The following GATB variants were observed in gnomAD, a reference collection of about 807,000 sequenced individuals.
GATB encodes glutamyl-tRNA amidotransferase subunit B.
GATB carries 39 observed loss-of-function variants against 62.3 expected under a neutral mutation model. That is an observed-to-expected ratio of 0.63 (90% CI 0.48 to 0.82). GATB has a LOEUF of 0.82. Ranked by LOEUF, GATB falls within the 40% of genes least tolerant of loss-of-function variation. The pLI, the probability that GATB is intolerant of heterozygous loss-of-function variation, is 0.00. For synonymous variants in GATB, 276 were observed against 258.9 expected, an observed-to-expected ratio of 1.07 and a Z score of -0.63; for missense variants, 670 against 684.0, an observed-to-expected ratio of 0.98 and a Z score of 0.23.
chr4:151,707,653 C>T (rs1738739660), intron 6 of GATB, among the ~76,000 whole-genome samples: 1 of 152,180 alleles, frequency 6.6e-6, no homozygotes, highest in South Asian at 2.1e-4. Context: ...CAGCTTAGGA[C>T]TCACTTCTGC....
At chr4:151,688,602 G>C (rs1225825462) in intron 10 of GATB, 28 bp downstream of exon 10, 1 of 1,587,494 alleles carries the variant, frequency 6.3e-7, no homozygotes, top group Admixed American at 1.9e-5. Context: ...CATCACAAAG[G>C]AAGAAAGAAA....
chr4:151,679,164 G>C (rs1445766586), intron 11 of GATB, among the ~76,000 whole-genome samples: 1 of 152,196 alleles, frequency 6.6e-6, no homozygotes. Flanking sequence ...AAAGTGCTGG[G>C]ATTACAGGCG....
intron 9 of GATB, among the ~76,000 whole-genome samples, chr4:151,692,605 C>T (rs1477864754): frequency 6.6e-6 from 1 of 152,172 alleles, no homozygotes; most frequent in Non-Finnish European, 1.5e-5. Flanking sequence ...CAGCTGCACG[C>T]CCACTGCACA....
At chr4:151,727,945 T>C (rs537829652) in intron 2 of GATB, among the ~76,000 whole-genome samples, 2 of 152,342 alleles carry the variant, frequency 1.3e-5, no homozygotes, top group South Asian at 4.1e-4. Context: ...CACAGATCTA[T>C]TAGTCTGGAT....
At chr4:151,749,296 G>T (rs1739665782) in intron 2 of GATB, among the ~76,000 whole-genome samples, 1 of 152,192 alleles carries the variant, frequency 6.6e-6, no homozygotes, top group Non-Finnish European at 1.5e-5. Context: ...TTAAGAAAAT[G>T]TGGCACATAT....
chr4:151,747,991 T>C (rs903906539), intron 2 of GATB, among the ~76,000 whole-genome samples: 1 of 152,098 alleles, frequency 6.6e-6, no homozygotes, highest in Admixed American at 6.5e-5. Flanking sequence ...GAACTACAAA[T>C]CACTGCTCAA....
intron 1 of GATB, among the ~76,000 whole-genome samples, chr4:151,759,997 T>C (rs1439826993): frequency 6.6e-6 from 1 of 152,178 alleles, no homozygotes; most frequent in Non-Finnish European, 1.5e-5. Flanking sequence ...TGCATTTCCA[T>C]TACATGAGAG....
At chr4:151,717,578 G>GA (rs1458798716) in intron 3 of GATB, among the ~76,000 whole-genome samples, 1 of 152,100 alleles carries the variant, frequency 6.6e-6, no homozygotes, top group African/African-American at 2.4e-5. Flanking sequence ...CTTTTTAAAG[G>GA]AATCAATCAT....
At chr4:151,752,631 G>A (rs1444547270) in intron 2 of GATB, among the ~76,000 whole-genome samples, 2 of 152,096 alleles carry the variant, frequency 1.3e-5, no homozygotes, top group Non-Finnish European at 1.5e-5. Context: ...AAGCAGTATT[G>A]TGTTCTTGTT....
intron 2 of GATB, among the ~76,000 whole-genome samples, chr4:151,732,061 G>A (rs1403969840): frequency 7.9e-6 from 1 of 126,070 alleles, no homozygotes; most frequent in Non-Finnish European, 1.7e-5. Context: ...AGGTGGGGGG[G>A]TCAGCCCCCG....
chr4:151,682,754 CT>C (rs1282450980), intron 10 of GATB, among the ~76,000 whole-genome samples: 3 of 152,234 alleles, frequency 2.0e-5, no homozygotes, highest in South Asian at 4.2e-4. Context: ...CAAAGTCCAC[CT>C]TCTCTGCTTC....
At chr4:151,680,962 T>C (rs897969367) in intron 10 of GATB, among the ~76,000 whole-genome samples, 1 of 152,188 alleles carries the variant, frequency 6.6e-6, no homozygotes, top group Non-Finnish European at 1.5e-5. Flanking sequence ...CTGAGATCAT[T>C]TGGGGACTGG....
intron 3 of GATB, 142 bp downstream of exon 3, chr4:151,719,282 TG>T: frequency 1.7e-6 from 1 of 601,888 alleles, no homozygotes. Context: ...GCATCAGGGC[TG>T]GGCCGAACTT....
At chr4:151,697,971 A>ATATATATGTG (rs1560847766) in intron 9 of GATB, among the ~76,000 whole-genome samples, 5 of 89,376 alleles carry the variant, frequency 5.6e-5, no homozygotes, top group African/African-American at 2.7e-4. Context: ...ATATATATAT[A>ATATATATGTG]TATATATATA....
chr4:151,760,557 G>C (rs1739932783), intron 1 of GATB, among the ~76,000 whole-genome samples: 1 of 152,164 alleles, frequency 6.6e-6, no homozygotes, highest in Admixed American at 6.5e-5. Context: ...CACCCTTCAA[G>C]AAAATATTTG....
At chr4:151,690,828 C>T (rs1738350515) in intron 9 of GATB, among the ~76,000 whole-genome samples, 2 of 152,058 alleles carry the variant, frequency 1.3e-5, no homozygotes, top group South Asian at 4.2e-4. Flanking sequence ...AGTTTCAGTC[C>T]ACAATTTAAA....
chr4:151,682,416 C>CA (rs1738158920), intron 10 of GATB, among the ~76,000 whole-genome samples: 1 of 152,236 alleles, frequency 6.6e-6, no homozygotes, highest in Admixed American at 6.5e-5. Context: ...GCAATGGCAG[C>CA]AGCAGCACAG....
rs1054562811 is a variant in GATB at position 151,731,256 on chromosome 4, G to A, written c.328-11718C>T. On this transcript the variant is annotated intron_variant, in intron 2 of 12. Coordinates refer to ENST00000263985, the MANE Select transcript of GATB (RefSeq NM_004564.3). ...CAGCCTGCCGAGTGCCTGCCATTGC[G>A]GGCGCGCGCCGCCACGCCTGACTGG... Among the ~76,000 whole-genome samples the A allele has an allele frequency of 9.9e-5, 15 of 152,164 alleles. 1 individual carries two copies. The highest frequency in any genetic ancestry group is 2.6e-4 in the Admixed American group (4 of 15,282).
chr4:151,733,051 C>A (rs981561220), intron 2 of GATB, among the ~76,000 whole-genome samples: 3 of 151,938 alleles, frequency 2.0e-5, no homozygotes, highest in African/African-American at 7.2e-5. Flanking sequence ...TAAGGTCACA[C>A]CTCAAGGAAC....
Sources: gnomAD v4.1 joint callset for allele counts (sites outside exome capture counted in the v4.1 genomes callset) on GRCh38, gnomAD v4.1.1 for gene constraint, MANE v1.5 for transcripts, NCBI Gene and HGNC (gene_info 2026-07-23, HGNC 2026-07-21) for gene names.